The following EHBP1 variants were observed in gnomAD, a reference collection of about 807,000 sequenced individuals.
EHBP1 encodes EH domain binding protein 1.
Under a neutral mutation model 144.0 loss-of-function variants are expected in EHBP1, and 55 were observed. The ratio of observed to expected loss-of-function variants is 0.38; its 90% CI spans 0.31 to 0.48. The LOEUF is 0.48. Among genes scored for constraint, EHBP1 ranks in the 20% least tolerant of loss-of-function variants. The pLI is 0.98. For missense variants in EHBP1, 1,200 were observed against 1,364.2 expected, an observed-to-expected ratio of 0.88 and a Z score of 1.90; for synonymous variants, 469 against 472.7, an observed-to-expected ratio of 0.99 and a Z score of 0.10.
At chr2:62,983,603 C>T (rs1194395787) in intron 15 of EHBP1, among the ~76,000 whole-genome samples, 2 of 152,150 alleles carry the variant, frequency 1.3e-5, no homozygotes, top group African/African-American at 2.4e-5. Flanking sequence ...TGCAATGGCG[C>T]TATCTCAGCT....
At chr2:62,975,022 A>G (rs551141306) in intron 14 of EHBP1, among the ~76,000 whole-genome samples, 2 of 152,312 alleles carry the variant, frequency 1.3e-5, no homozygotes, top group African/African-American at 4.8e-5. Flanking sequence ...ACATTGTCTG[A>G]GACATCAGCT....
intron 2 of EHBP1, among the ~76,000 whole-genome samples, chr2:62,715,357 G>A (rs747562863): frequency 5.3e-5 from 8 of 151,892 alleles, no homozygotes; most frequent in Non-Finnish European, 7.4e-5. Flanking sequence ...CTCGTGATCC[G>A]CCTGCTTCGG....
At chr2:62,737,352 T>A (rs995998866) in intron 2 of EHBP1, among the ~76,000 whole-genome samples, 26 of 152,120 alleles carry the variant, frequency 1.7e-4, no homozygotes, top group African/African-American at 5.3e-4. Flanking sequence ...AAAATGTGCT[T>A]CCCCTTTCCC....
intron 10 of EHBP1, among the ~76,000 whole-genome samples, chr2:62,903,575 C>T (rs750037059): frequency 6.6e-6 from 1 of 152,138 alleles, no homozygotes; most frequent in Non-Finnish European, 1.5e-5. Context: ...CCACCTTGGG[C>T]AACATAGTTA....
At chr2:62,788,300 T>C (rs1405242033) in intron 5 of EHBP1, among the ~76,000 whole-genome samples, 1 of 152,176 alleles carries the variant, frequency 6.6e-6, no homozygotes, top group African/African-American at 2.4e-5. Flanking sequence ...ACCCAACTTC[T>C]GCCCACTAGG....
intron 19 of EHBP1, among the ~76,000 whole-genome samples, chr2:63,000,909 T>G (rs753640063): frequency 2.6e-5 from 4 of 152,078 alleles, no homozygotes; most frequent in Non-Finnish European, 4.4e-5. Context: ...GATTTCTTAT[T>G]TGGGAAGAGC....
At chr2:62,730,942 AAGAC>A (rs752528430) in intron 2 of EHBP1, among the ~76,000 whole-genome samples, 1 of 39,528 alleles carries the variant, frequency 2.5e-5, no homozygotes, top group African/African-American at 9.9e-5. Flanking sequence ...CAGAGATAGA[AAGAC>A]AGAGAGAAAG....
chr2:62,784,502 A>T (rs2042672511), intron 5 of EHBP1, among the ~76,000 whole-genome samples: 1 of 152,208 alleles, frequency 6.6e-6, no homozygotes, highest in Non-Finnish European at 1.5e-5. Context: ...TATAGTGAGG[A>T]TGCTAAAGAG....
At chr2:63,005,809 C>T (rs2060014087) in intron 19 of EHBP1, among the ~76,000 whole-genome samples, 1 of 151,968 alleles carries the variant, frequency 6.6e-6, no homozygotes, top group African/African-American at 2.4e-5. Flanking sequence ...TAAAAACAAT[C>T]ACTATGTATT....
intron 5 of EHBP1, among the ~76,000 whole-genome samples, chr2:62,824,319 G>A (rs2046192990): frequency 6.6e-6 from 1 of 151,910 alleles, no homozygotes. Flanking sequence ...ATATGTGACA[G>A]TTTATATGTC....
intron 2 of EHBP1, among the ~76,000 whole-genome samples, chr2:62,739,787 A>C (rs1031748405): frequency 2.0e-5 from 3 of 151,926 alleles, no homozygotes; most frequent in Non-Finnish European, 4.4e-5. Context: ...AAAATTTAAA[A>C]TTAGCTGTTG....
At chr2:62,825,718 C>T (rs1292011061) in intron 5 of EHBP1, among the ~76,000 whole-genome samples, 1 of 151,930 alleles carries the variant, frequency 6.6e-6, no homozygotes, top group African/African-American at 2.4e-5. Flanking sequence ...ATTATCAAAG[C>T]AAAGCAAATA....
At chr2:62,963,043 A>G (rs2058073689) in intron 14 of EHBP1, among the ~76,000 whole-genome samples, 1 of 152,184 alleles carries the variant, frequency 6.6e-6, no homozygotes, top group Admixed American at 6.5e-5. Flanking sequence ...ATCTTTAAAG[A>G]CCTGAAGGAA....
At chr2:62,797,793 T>TA (rs969185196) in intron 5 of EHBP1, among the ~76,000 whole-genome samples, 9 of 152,236 alleles carry the variant, frequency 5.9e-5, no homozygotes, top group Non-Finnish European at 1.2e-4. Context: ...TTGATAAACT[T>TA]ACAGCATGTT....
chr2:62,863,837 GTT>G (rs1189741220), intron 8 of EHBP1, among the ~76,000 whole-genome samples: 1 of 74,576 alleles, frequency 1.3e-5, no homozygotes. Flanking sequence ...ATTTTTCTGT[GTT>G]GTTTTTTTTT....
chr2:63,037,845 A>G (rs1454076163), intron 20 of EHBP1, among the ~76,000 whole-genome samples: 1 of 152,164 alleles, frequency 6.6e-6, no homozygotes, highest in African/African-American at 2.4e-5. Context: ...AGTGTTTATT[A>G]TACAGAAAGC....
chr2:62,839,852 T>C (rs573092069), intron 7 of EHBP1, among the ~76,000 whole-genome samples: 2 of 152,026 alleles, frequency 1.3e-5, no homozygotes, highest in South Asian at 2.1e-4. Flanking sequence ...TACAAACAAA[T>C]GGAAGAACAT....
At chr2:62,980,420 G>A (rs1389110146) in intron 15 of EHBP1, among the ~76,000 whole-genome samples, 1 of 152,160 alleles carries the variant, frequency 6.6e-6, no homozygotes, top group Admixed American at 6.5e-5. Flanking sequence ...CCACAGACTA[G>A]TACTGGTCCA....
chr2:62,856,261 G>GC (rs1357423727), intron 7 of EHBP1, among the ~76,000 whole-genome samples: 1 of 152,214 alleles, frequency 6.6e-6, no homozygotes, highest in Non-Finnish European at 1.5e-5. Context: ...AAGAGCTGCT[G>GC]CCCATCAGGG....
Sources: gnomAD v4.1 joint callset for allele counts (sites outside exome capture counted in the v4.1 genomes callset) on GRCh38, gnomAD v4.1.1 for gene constraint, MANE v1.5 for transcripts, NCBI Gene and HGNC (gene_info 2026-07-23, HGNC 2026-07-21) for gene names.